The following TMTC2 variants were observed in gnomAD, a reference collection of about 807,000 sequenced individuals.
TMTC2 encodes transmembrane O-mannosyltransferase targeting cadherins 2.
A neutral mutation model predicts 82.4 loss-of-function variants in TMTC2; 43 were observed. The ratio of observed to expected loss-of-function variants is 0.52; its 90% confidence interval spans 0.41 to 0.67. The LOEUF is 0.67. Ranked by LOEUF, TMTC2 falls within the 30% of genes least tolerant of loss-of-function variation. The probability of loss-of-function intolerance (pLI) is 0.00; values close to 1 mark genes in which losing one functional copy is unlikely to be tolerated. For synonymous variants in TMTC2, 408 were observed against 381.9 expected, an observed-to-expected ratio of 1.07 and a Z score of -0.80; for missense variants, 919 against 1,012.4, an observed-to-expected ratio of 0.91 and a Z score of 1.25.
chr12:83,127,261 C>T (rs1489882089), intron 11 of TMTC2, among the ~76,000 whole-genome samples: 1 of 152,072 alleles, frequency 6.6e-6, no homozygotes, highest in Non-Finnish European at 1.5e-5. Context: ...ATTTAGTTTA[C>T]TCAACAGTAA....
chr12:82,853,100 G>GT lies in TMTC2; in HGVS notation c.84-3902dup, dbSNP rs975867166. Among the ~76,000 whole-genome samples the GT allele has an allele frequency of 3.5e-4, 52 of 150,636 alleles. 1 individual carries two copies. Among genetic ancestry groups the GT allele is most frequent in the Non-Finnish European group, 8.9e-5 (6 of 67,702 alleles). ...TGTAAATTTAGGGCTGTGTTTCAAAGTTTTTTTTCTTTTTTTTTTTGAGAC... is the reference window on the plus strand; with the variant it reads ...TGTAAATTTAGGGCTGTGTTTCAAAGTTTTTTTTTCTTTTTTTTTTTGAGAC... On this transcript the variant is annotated intron_variant, in intron 1 of 11. Transcript: ENST00000321196.
intron 2 of TMTC2, among the ~76,000 whole-genome samples, chr12:82,871,052 A>G (rs1872148124): frequency 6.6e-6 from 1 of 152,232 alleles, no homozygotes; most frequent in Admixed American, 6.5e-5. Context: ...TTTCATTTGC[A>G]TATACACACA....
chr12:82,727,653 G>A (rs545059591), intron 1 of TMTC2, among the ~76,000 whole-genome samples: 45 of 151,990 alleles, frequency 3.0e-4, no homozygotes, highest in Admixed American at 1.2e-3. Context: ...CCTGGGAGGC[G>A]GAGGGTGTAG....
chr12:83,086,291 G>A (rs372897277), intron 11 of TMTC2, among the ~76,000 whole-genome samples: 36 of 152,172 alleles, frequency 2.4e-4, no homozygotes, highest in African/African-American at 8.4e-4. Context: ...CAGACAGTGG[G>A]GCGGCCGGGC....
At chr12:82,813,819 A>T (rs1344824285) in intron 1 of TMTC2, among the ~76,000 whole-genome samples, 1 of 152,108 alleles carries the variant, frequency 6.6e-6, no homozygotes, top group Non-Finnish European at 1.5e-5. Flanking sequence ...ATTTCAACAA[A>T]TACTTACTGA....
At chr12:82,914,890 A>C (rs1874915582) in intron 3 of TMTC2, among the ~76,000 whole-genome samples, 1 of 133,890 alleles carries the variant, frequency 7.5e-6, no homozygotes, top group South Asian at 2.3e-4. Flanking sequence ...CAATAGTGCG[A>C]TCTTGGCTCA....
chr12:83,132,526 T>A lies in TMTC2; in HGVS notation c.*137T>A. The A allele has an allele frequency of 1.0e-6, 1 of 967,794 alleles. No individual in the cohort carries two copies. The highest frequency in any genetic ancestry group is 1.5e-6 in the Non-Finnish European group (1 of 670,650). 60.0% of individuals were successfully genotyped at this position (967,794 alleles called of 1,614,324 possible). A position where few individuals can be genotyped will look rare whatever the true frequency, so the allele number is the denominator to read the frequency against. ...CAGAGGTCATTGAGGTCACTACCGC[T>A]TCTGGAAGAATCCACTTTGCTGTAG... On this transcript the variant is annotated 3_prime_UTR_variant, in exon 12 of 12. Coordinates refer to ENST00000321196, the MANE Select transcript of TMTC2 (RefSeq NM_152588.3).
In TMTC2 at chr12:82,732,370, T is replaced by G. The variant is rs1324828981; in HGVS notation, c.83+44701T>G. On this transcript the variant is annotated intron_variant, in intron 1 of 11. Transcript: ENST00000321196. ...CATGTTTTTTTTTTATGAGACGGAT[T>G]CTTGTCCTGTCGCCCAGGCTGGAGT... is the stretch of plus-strand genomic sequence containing the variant. 2.0e-5 allele frequency among the ~76,000 whole-genome samples: 3 copies of G among 152,204 alleles called. No individual in the cohort carries two copies. In the East Asian group the frequency reaches 5.8e-4, roughly 29 times the overall value.
Position 83,046,699 on chromosome 12 carries a change from G to A in TMTC2, c.2153-4205G>A, listed in dbSNP as rs558235941. On this transcript the variant is annotated intron_variant, in intron 9 of 11. Transcript: ENST00000321196. ...CTTAACGGTAATTCTTCAGGGAAGA[G>A]CACCTGTCTTTCTTGCCATATTTAT... 8.5e-5 allele frequency among the ~76,000 whole-genome samples: 13 copies of A among 152,226 alleles called. No individual in the cohort carries two copies. The East Asian group carries it at 2.5e-3, about 29-fold the overall frequency.
intron 1 of TMTC2, among the ~76,000 whole-genome samples, chr12:82,837,719 CT>C (rs1331147221): frequency 1.3e-5 from 2 of 152,150 alleles, no homozygotes; most frequent in African/African-American, 4.8e-5. Context: ...TCATTTAAAC[CT>C]TTTAAATATC....
intron 9 of TMTC2, among the ~76,000 whole-genome samples, chr12:83,049,037 T>C (rs1376465735): frequency 1.3e-5 from 2 of 152,226 alleles, no homozygotes; most frequent in Admixed American, 6.5e-5. Flanking sequence ...GTCTTTTGCG[T>C]TGGAAGACAA....
chr12:82,828,882 T>C (rs577093339), intron 1 of TMTC2, among the ~76,000 whole-genome samples: 41 of 152,230 alleles, frequency 2.7e-4, no homozygotes, highest in African/African-American at 9.4e-4. Flanking sequence ...TATTGCTTAA[T>C]ATAGTGATTA....
chr12:82,943,606 C>G (rs1407035679), intron 4 of TMTC2, among the ~76,000 whole-genome samples: 5 of 152,160 alleles, frequency 3.3e-5, no homozygotes, highest in Admixed American at 3.3e-4. Context: ...AATTTATCTT[C>G]CTGCCACTCA....
chr12:83,090,231 A>G (rs1345198412), intron 11 of TMTC2, among the ~76,000 whole-genome samples: 1 of 152,236 alleles, frequency 6.6e-6, no homozygotes, highest in Non-Finnish European at 1.5e-5. Context: ...TCTTGAAGAC[A>G]TTACATAAAT....
At chr12:82,882,698 C>T (rs971608544) in intron 2 of TMTC2, among the ~76,000 whole-genome samples, 7 of 152,070 alleles carry the variant, frequency 4.6e-5, no homozygotes, top group Non-Finnish European at 1.0e-4. Flanking sequence ...TTTAAAATCA[C>T]TGGATGTTGA....
chr12:82,838,299 A>G (rs1870157214), intron 1 of TMTC2, among the ~76,000 whole-genome samples: 1 of 152,192 alleles, frequency 6.6e-6, no homozygotes, highest in Admixed American at 6.5e-5. Context: ...CCCTCCCTCA[A>G]AATGACTAAT....
intron 2 of TMTC2, among the ~76,000 whole-genome samples, chr12:82,893,221 A>C (rs910822306): frequency 2.0e-5 from 3 of 151,974 alleles, no homozygotes; most frequent in East Asian, 3.9e-4. Context: ...AATACGAAAA[A>C]TTAGCTGGGC....
At chr12:82,970,878 A>G (rs920452454) in intron 7 of TMTC2, among the ~76,000 whole-genome samples, 4 of 152,182 alleles carry the variant, frequency 2.6e-5, no homozygotes, top group Non-Finnish European at 5.9e-5. Context: ...CATTAGCTAT[A>G]TTAACCTAAC....
intron 10 of TMTC2, among the ~76,000 whole-genome samples, chr12:83,057,071 A>G (rs1185215568): frequency 6.6e-6 from 1 of 151,860 alleles, no homozygotes; most frequent in African/African-American, 2.4e-5. Context: ...TTATCCAAAC[A>G]TTACACCTTG....
Sources: gnomAD v4.1 joint callset for allele counts (sites outside exome capture counted in the v4.1 genomes callset) on GRCh38, gnomAD v4.1.1 for gene constraint, MANE v1.5 for transcripts, NCBI Gene and HGNC (gene_info 2026-07-23, HGNC 2026-07-21) for gene names.